MUC12: variants seen among roughly 807,000 people sequenced by gnomAD.
MUC12 encodes the protein mucin-12.
MUC12 carries 172 observed loss-of-function variants against 230.8 expected under a neutral mutation model. The ratio of observed to expected loss-of-function variants is 0.75; its 90% CI spans 0.66 to 0.85. The LOEUF is 0.85. Among genes scored for constraint, MUC12 ranks in the 40% least tolerant of loss-of-function variants. The pLI is 0.00. For missense variants in MUC12, 3,506 were observed against 5,920.6 expected, an observed-to-expected ratio of 0.59 and a Z score of 13.38; for synonymous variants, 1,259 against 2,401.9, an observed-to-expected ratio of 0.52 and a Z score of 13.91.
At position 100,995,585 on chromosome 7, in the gene MUC12, G is replaced by C; in HGVS notation, c.5022G>C (p.Leu1674=). The C allele has an allele frequency of 6.5e-7, 1 of 1,536,510 alleles. No homozygotes were observed. The highest frequency in any genetic ancestry group is 8.7e-7 in the Non-Finnish European group (1 of 1,146,978). ...HSSTGSPHTT[L]SPAGSTTRQG... is the part of the protein sequence containing the mutation. Reference sequence around the variant, plus strand: ...GCACTGGATCGCCACACACAACACTGTCCCCTGCCGGCTCTACAACACGTC... The same window carrying C: ...GCACTGGATCGCCACACACAACACTCTCCCCTGCCGGCTCTACAACACGTC... Residue 1674 remains leucine, a synonymous_variant, in exon 2 of 12, where the codon CTG becomes CTC. Transcript: ENST00000536621.
At chr7:100,970,030 G>C (rs1445947741) in intron 1 of MUC12, among the ~76,000 whole-genome samples, 1 of 152,312 alleles carries the variant, frequency 6.6e-6, no homozygotes, top group Admixed American at 6.5e-5. Flanking sequence ...CCCTCATCCT[G>C]GGGGCTTTAT....
Position 100,969,681 on chromosome 7 carries a change from T to G in MUC12, c.59T>G (p.Val20Gly), listed in dbSNP as rs1792806110. Residue 20 changes from valine to glycine, a missense_variant, in exon 1 of 12, where the codon GTG becomes GGG. By Grantham distance (109) the Val-to-Gly change is moderately radical (BLOSUM62 -3). Transcript: ENST00000536621. ...ALRLCASVTT[V>G]TPGSTVNTSI... is the part of the protein sequence containing the mutation. Reference sequence around the variant, plus strand: ...CGGCTCTGCGCGTCCGTTACTACAGTGACACCAGGTGAGTGCTCCTGGGCT... The same window carrying G: ...CGGCTCTGCGCGTCCGTTACTACAGGGACACCAGGTGAGTGCTCCTGGGCT... The G allele has an allele frequency of 6.6e-7, 1 of 1,524,180 alleles. No individual in the cohort carries two copies. 94.4% of individuals were successfully genotyped at this position (1,524,180 alleles called of 1,614,324 possible). A position where few individuals can be genotyped will look rare whatever the true frequency, so the allele number is the denominator to read the frequency against.
chr7:100,983,032 G>A (rs1340757034), intron 1 of MUC12, among the ~76,000 whole-genome samples: 1 of 152,012 alleles, frequency 6.6e-6, no homozygotes, highest in African/African-American at 2.4e-5. Context: ...ACCACACCTG[G>A]TCAAAAGCCA....
At chr7:100,981,227 C>G (rs1342702117) in intron 1 of MUC12, 1 of 402,208 alleles carries the variant, frequency 2.5e-6, no homozygotes, top group Non-Finnish European at 4.4e-6. Flanking sequence ...TGTGGAGCAC[C>G]CTGACCCTGG....
chr7:100,980,425 G>A (rs1367205118), intron 1 of MUC12, among the ~76,000 whole-genome samples: 1 of 152,058 alleles, frequency 6.6e-6, no homozygotes, highest in Non-Finnish European at 1.5e-5. Context: ...TTCTATGGAT[G>A]GTTTATATTT....
rs1203875733 is a variant in MUC12, at chr7:100,992,475, C to A, written c.1912C>A (p.Pro638Thr). ...AGAATCTACCACATTCCATAGCTGG[C>A]CAAGCTCAAAGGACACTAGGCCTGC... Reference protein sequence around the residue: ...QGESTTFHSWPSSKDTRPAPP... With the variant: ...QGESTTFHSWTSSKDTRPAPP... Residue 638 changes from proline to threonine, a missense_variant, in exon 2 of 12, where the codon CCA becomes ACA. Transcript: ENST00000536621. The A allele has an allele frequency of 1.3e-6, 2 of 1,537,900 alleles. No homozygotes were observed. The highest frequency in any genetic ancestry group is 1.7e-6 in the Non-Finnish European group (2 of 1,147,038).
Position 101,004,627 on chromosome 7 carries a change from C to T in MUC12, c.14064C>T (p.Ser4688=), listed in dbSNP as rs1283637706. The T allele has an allele frequency of 2.0e-6, 3 of 1,537,388 alleles. No homozygotes were observed. The highest frequency in any genetic ancestry group is 2.4e-5 in the South Asian group (2 of 84,050). ...GTGAGGAATCAACAGCATCCCACAG[C>T]AGCCCAGATACAAATGGAATCACAC... ...GRSEESTASH[S]SPDTNGITPL... The change falls in exon 2 of 12, where the codon AGC becomes AGT. Residue 4688 remains serine, a synonymous_variant. Coordinates refer to ENST00000536621, the MANE Select transcript of MUC12 (RefSeq NM_001164462.2).
At chr7:101,010,115 A>C (rs1793817746) in intron 5 of MUC12, among the ~76,000 whole-genome samples, 1 of 152,028 alleles carries the variant, frequency 6.6e-6, no homozygotes, top group Admixed American at 6.6e-5. Context: ...CAGACCTGGG[A>C]TTTGCTGCAG....
rs532313841 is a variant in MUC12, at chr7:100,991,793, A to C, written c.1230A>C (p.Thr410=). ...GCACCACAGCTGCCCTAGCACATAC[A>C]AGCTACCACAGCAGCCTGGGCTCAA... ...TPSTTAALAH[T]SYHSSLGSTE... Residue 410 remains threonine (T), a synonymous_variant, in exon 2 of 12, where the codon ACA becomes ACC. Transcript: ENST00000536621. 3.9e-6 allele frequency: 6 copies of C among 1,537,856 alleles called. No homozygotes were observed. The highest frequency in any genetic ancestry group is 3.6e-5 in the South Asian group (3 of 84,000).
chr7:100,976,460 C>T (rs906618574), intron 1 of MUC12, among the ~76,000 whole-genome samples: 4 of 151,042 alleles, frequency 2.6e-5, no homozygotes, highest in African/African-American at 4.9e-5. Context: ...AAAAATTAGC[C>T]GGGCATGGTG....
At chr7:100,973,598 C>CT (rs1450785287) in intron 1 of MUC12, among the ~76,000 whole-genome samples, 1 of 150,986 alleles carries the variant, frequency 6.6e-6, no homozygotes, top group African/African-American at 2.4e-5. Context: ...CCAGGCTGGT[C>CT]TTGAACTCCT....
rs117910765 is a variant in MUC12 at position 100,977,285 on chromosome 7, C to T, written c.67+7596C>T. Among the ~76,000 whole-genome samples, 181 of 151,838 alleles carry T rather than the reference C, an allele frequency of 1.2e-3. 1 individual carries two copies. The highest frequency in any genetic ancestry group is 9.5e-3 in the East Asian group (49 of 5,158). ...AAATTTATTCTCTTACAGTTGTGGA[C>T]GCCAGAAGCTTGAAGTCAAGGTCAT... On this transcript the variant is annotated intron_variant, in intron 1 of 11. Coordinates refer to ENST00000536621, the MANE Select transcript of MUC12 (RefSeq NM_001164462.2).
chr7:100,991,758 T>C lies in MUC12; in HGVS notation c.1195T>C (p.Ser399Pro). ...FHGSTTHTKSSTPSTTAALAH... is the reference protein window; with the variant it reads ...FHGSTTHTKSPTPSTTAALAH... ...CGGCAGCACAACACACACAAAATCT[T>C]CAACTCCTAGCACCACAGCTGCCCT... Residue 399 changes from serine to proline, a missense_variant, in exon 2 of 12, where the codon TCA becomes CCA. Physicochemically the swap from Ser to Pro is moderately conservative, Grantham distance 74 (BLOSUM62 -1). Coordinates refer to ENST00000536621, the MANE Select transcript of MUC12 (RefSeq NM_001164462.2). The C allele has an allele frequency of 6.5e-7, 1 of 1,537,888 alleles. No individual in the cohort carries two copies. Among genetic ancestry groups the C allele is most frequent in the Non-Finnish European group, 8.7e-7 (1 of 1,147,062 alleles).
rs1271821578 is a variant in MUC12 at position 100,990,497 on chromosome 7, A to G, written c.68-134A>G. 7.2e-6 allele frequency: 8 copies of G among 1,110,416 alleles called. No homozygotes were observed. In the Admixed American group the frequency reaches 2.0e-4, roughly 28 times the overall value. The allele number at this position is 1,110,416 out of a possible 1,614,324, so 68.8% of individuals were successfully genotyped here. On this transcript the variant is annotated intron_variant, in intron 1 of 11. Coordinates refer to ENST00000536621, the MANE Select transcript of MUC12 (RefSeq NM_001164462.2). Reference sequence around the variant, plus strand: ...CAACTGACACTTCCTATGCCCCCAAAAGGGAAACTTGAGTTTCAATACCAT... The same window carrying G: ...CAACTGACACTTCCTATGCCCCCAAGAGGGAAACTTGAGTTTCAATACCAT...
chr7:100,980,637 T>C (rs1435227681), intron 1 of MUC12, among the ~76,000 whole-genome samples: 2 of 152,164 alleles, frequency 1.3e-5, no homozygotes, highest in African/African-American at 4.8e-5. Context: ...TAAAATGATA[T>C]CAGCAGCTGG....
chr7:100,991,422 A>G lies in MUC12; in HGVS notation c.859A>G (p.Thr287Ala), dbSNP rs1793296901. 5 of 1,537,698 alleles carry G rather than the reference A, an allele frequency of 3.3e-6. No homozygotes were observed. The highest frequency in any genetic ancestry group is 1.2e-5 in the South Asian group (1 of 84,058). Residue 287 changes from threonine (T) to alanine (A), a missense_variant, in exon 2 of 12, where the codon ACT (threonine) becomes GCT (alanine). Thr to Ala is a moderately conservative substitution (Grantham distance 58). Transcript: ENST00000536621. Reference sequence around the variant, plus strand: ...CCAGAGCTGGCCAAGCTCAAAGGACACTTCGCCTGCACCTTCTGGTACCAC... The same window carrying G: ...CCAGAGCTGGCCAAGCTCAAAGGACGCTTCGCCTGCACCTTCTGGTACCAC... ...TFQSWPSSKD[T>A]SPAPSGTTSA...
At chr7:101,008,562 G>A (rs1793791766) in intron 3 of MUC12, 72 bp from the exon 4 acceptor site, 1 of 1,475,200 alleles carries the variant, frequency 6.8e-7, no homozygotes, top group Non-Finnish European at 9.0e-7. Context: ...CCCACAGGCA[G>A]AGAATGTATC....
At chr7:100,983,494 T>A (rs909474152) in intron 1 of MUC12, among the ~76,000 whole-genome samples, 1 of 151,814 alleles carries the variant, frequency 6.6e-6, no homozygotes, top group South Asian at 2.1e-4. Context: ...ATTTGGTAAC[T>A]AAGAAAAAGC....
At position 100,992,222 on chromosome 7, in the gene MUC12, C is replaced by A; in HGVS notation, c.1659C>A (p.His553Gln). The A allele has an allele frequency of 6.5e-7, 1 of 1,537,300 alleles. No homozygotes were observed. Among genetic ancestry groups the A allele is most frequent in the Non-Finnish European group, 8.7e-7 (1 of 1,146,560 alleles). ...TCAGTCAGGAATCTACAGCTTCCCACAGCAGCCCAGGCCCCACAGACACAA... is the reference window on the plus strand; with the variant it reads ...TCAGTCAGGAATCTACAGCTTCCCAAAGCAGCCCAGGCCCCACAGACACAA... ...PGLSQESTASHSSPGPTDTTL... is the reference protein window; with the variant it reads ...PGLSQESTASQSSPGPTDTTL... Residue 553 changes from histidine to glutamine, a missense_variant, in exon 2 of 12, where the codon CAC (histidine) becomes CAA (glutamine). By Grantham distance (24) the His-to-Gln change is conservative. Transcript: ENST00000536621.
Sources: allele counts gnomAD v4.1 joint callset (sites outside exome capture counted in the v4.1 genomes callset), GRCh38; gene constraint gnomAD v4.1.1; transcripts MANE v1.5; gene names NCBI Gene and HGNC (gene_info 2026-07-23, HGNC 2026-07-21).